The following NRXN3 variants were observed in gnomAD, a reference collection of about 807,000 sequenced individuals.
The protein encoded by NRXN3 is neurexin III.
In NRXN3, 32 loss-of-function variants were observed where a neutral mutation model predicts 137.6. The ratio of observed to expected loss-of-function variants is 0.23; its 90% CI spans 0.18 to 0.31. NRXN3 has a LOEUF of 0.31. Among genes scored for constraint, NRXN3 ranks in the 10% least tolerant of loss-of-function variants. The pLI, the probability that NRXN3 is intolerant of heterozygous loss-of-function variation, is 1.00. For missense variants in NRXN3, 1,574 were observed against 2,062.5 expected (o/e 0.76, Z 4.59); for synonymous variants, 798 against 784.5 (o/e 1.02, Z -0.29).
chr14:78,715,239 T>G, intron 8 of NRXN3, 100 bp downstream of exon 8: 1 of 1,429,394 alleles, frequency 7.0e-7, no homozygotes, highest in Non-Finnish European at 9.4e-7. Flanking sequence ...ACCTGCACTT[T>G]CTTTCTTCCA....
In NRXN3 at chr14:78,738,494, G is replaced by A. The variant is rs904705085; in HGVS notation, c.2044+23355G>A. Among the ~76,000 whole-genome samples, 7 of 152,200 alleles carry A rather than the reference G, an allele frequency of 4.6e-5. No individual in the cohort carries two copies. The South Asian group carries it at 6.2e-4, about 14-fold the overall frequency. On this transcript the variant is annotated intron_variant, in intron 8 of 20. Transcript: ENST00000335750. The stretch of plus-strand genomic sequence containing the variant: ...ACCCTCAGGACAGTGGTATCTGTCC[G>A]TGGCTCCCATCTGTGTGTTGCTGCC...
At chr14:78,192,065 A>AGTGTGTGT (rs34445474) in intron 1 of NRXN3, among the ~76,000 whole-genome samples, 23 of 142,858 alleles carry the variant, frequency 1.6e-4, no homozygotes, top group African/African-American at 5.4e-4. Context: ...GCTGCCCGAA[A>AGTGTGTGT]GTGTGTGTGT....
At chr14:79,726,201 G>C (rs999970905) in intron 19 of NRXN3, among the ~76,000 whole-genome samples, 1 of 152,128 alleles carries the variant, frequency 6.6e-6, no homozygotes, top group African/African-American at 2.4e-5. Flanking sequence ...TGAAAAGTCA[G>C]TCATGTGACT....
At chr14:79,115,535 A>T (rs2054298569) in intron 15 of NRXN3, among the ~76,000 whole-genome samples, 1 of 152,166 alleles carries the variant, frequency 6.6e-6, no homozygotes, top group African/African-American at 2.4e-5. Context: ...CAGGAATTTG[A>T]GGAGGTGACA....
intron 16 of NRXN3, among the ~76,000 whole-genome samples, chr14:79,629,520 CT>C (rs1205963188): frequency 6.6e-6 from 1 of 152,042 alleles, no homozygotes; most frequent in Non-Finnish European, 1.5e-5. Context: ...TAATGTTGAA[CT>C]TTTCAGGGTA....
chr14:78,882,829 G>A (rs2099133034), intron 10 of NRXN3, among the ~76,000 whole-genome samples: 1 of 151,476 alleles, frequency 6.6e-6, no homozygotes, highest in Admixed American at 6.6e-5. Context: ...GGGGCCAGGG[G>A]CAGAATAATA....
chr14:79,845,053 T>G (rs1038153508), intron 20 of NRXN3, among the ~76,000 whole-genome samples: 1 of 152,202 alleles, frequency 6.6e-6, no homozygotes, highest in African/African-American at 2.4e-5. Context: ...ATGGCTTTTT[T>G]TTTTCTTAAA....
intron 4 of NRXN3, among the ~76,000 whole-genome samples, chr14:78,629,960 C>T (rs2097504212): frequency 6.6e-6 from 1 of 152,218 alleles, no homozygotes; most frequent in Non-Finnish European, 1.5e-5. Flanking sequence ...AAACATCACA[C>T]TAACTCGATG....
chr14:78,237,284 G>C (rs1360525061), intron 1 of NRXN3, among the ~76,000 whole-genome samples: 1 of 152,182 alleles, frequency 6.6e-6, no homozygotes, highest in Non-Finnish European at 1.5e-5. Context: ...AGGACTCTTG[G>C]TCACAACCCA....
chr14:79,071,240 A>G (rs777705346), intron 15 of NRXN3, among the ~76,000 whole-genome samples: 10 of 151,782 alleles, frequency 6.6e-5, no homozygotes, highest in African/African-American at 1.2e-4. Flanking sequence ...GGTTTTTGCC[A>G]TTTTCTATTA....
chr14:78,638,786 A>C (rs558421600), intron 4 of NRXN3, among the ~76,000 whole-genome samples: 1,592 of 152,314 alleles, frequency 0.01, 32 homozygotes, highest in African/African-American at 0.037. Flanking sequence ...TTTTGCCAGC[A>C]AAATACTCAA....
At chr14:78,361,192 G>A (rs1294050539) in intron 4 of NRXN3, among the ~76,000 whole-genome samples, 1 of 152,178 alleles carries the variant, frequency 6.6e-6, no homozygotes, top group Non-Finnish European at 1.5e-5. Context: ...AATACCAGTA[G>A]CATCCAGGTC....
intron 10 of NRXN3, among the ~76,000 whole-genome samples, chr14:78,956,569 T>C (rs1473717835): frequency 6.6e-6 from 1 of 152,172 alleles, no homozygotes; most frequent in Admixed American, 6.5e-5. Flanking sequence ...ATCATTTCAG[T>C]TTTTAGGTAT....
chr14:78,432,730 TCCTGACAGACTGGCAGGTATA>T (rs1325313143), intron 4 of NRXN3, among the ~76,000 whole-genome samples: 2 of 152,188 alleles, frequency 1.3e-5, no homozygotes, highest in Non-Finnish European at 2.9e-5. Flanking sequence ...TCTTGTCATT[TCCTGACAGACTGGCAGGTATA>T]CCTGACAGAC....
intron 16 of NRXN3, among the ~76,000 whole-genome samples, chr14:79,629,963 T>C (rs1462540235): frequency 6.6e-6 from 1 of 152,020 alleles, no homozygotes; most frequent in Non-Finnish European, 1.5e-5. Context: ...GGGTAGTTAA[T>C]GAAATGAAAA....
At chr14:78,232,102 G>T (rs1315659671) in intron 1 of NRXN3, among the ~76,000 whole-genome samples, 1 of 152,248 alleles carries the variant, frequency 6.6e-6, no homozygotes, top group Non-Finnish European at 1.5e-5. Flanking sequence ...TCTGCAGGAG[G>T]TGTGGTCTGT....
At chr14:79,664,070 A>AT (rs2098546817) in intron 17 of NRXN3, 121 bp downstream of exon 17, 4 of 992,454 alleles carry the variant, frequency 4.0e-6, no homozygotes, top group African/African-American at 1.6e-5. Context: ...CACATTCATG[A>AT]TTTTTTTGTA....
intron 9 of NRXN3, among the ~76,000 whole-genome samples, chr14:78,808,644 T>C (rs913450820): frequency 6.6e-6 from 1 of 152,142 alleles, no homozygotes; most frequent in Non-Finnish European, 1.5e-5. Context: ...CACTTTTCTG[T>C]TGCGGTTGAC....
chr14:78,554,002 G>A (rs977881033), intron 4 of NRXN3, among the ~76,000 whole-genome samples: 1 of 152,168 alleles, frequency 6.6e-6, no homozygotes, highest in African/African-American at 2.4e-5. Flanking sequence ...AGAGAAGAGT[G>A]TGTGGAGGGA....
Sources: gnomAD v4.1 joint callset for allele counts (sites outside exome capture counted in the v4.1 genomes callset) on GRCh38, gnomAD v4.1.1 for gene constraint, MANE v1.5 for transcripts, NCBI Gene and HGNC (gene_info 2026-07-23, HGNC 2026-07-21) for gene names.